Variants in RFPL1 observed in about 807,000 individuals in gnomAD.
RFPL1 encodes ret finger protein like 1.
RFPL1 carries 6 observed loss-of-function variants against 9.6 expected under a neutral mutation model. That is an observed-to-expected ratio of 0.62 (90% CI 0.34 to 1.23). The LOEUF (loss-of-function observed/expected upper bound fraction) is 1.23. Ranked by LOEUF, RFPL1 falls within the 50% of genes most tolerant of loss-of-function variation. The pLI is 0.03. For synonymous variants in RFPL1, 145 were observed against 149.4 expected, an observed-to-expected ratio of 0.97 and a Z score of 0.22; for missense variants, 352 against 398.4, an observed-to-expected ratio of 0.88 and a Z score of 0.99.
chr22:29,402,093 G>A, the RFPL1 span, among the ~76,000 whole-genome samples: 1 of 152,122 alleles, frequency 6.6e-6, no homozygotes, highest in Non-Finnish European at 1.5e-5. Flanking sequence ...CAAGCATGAC[G>A]TCTACCTTTA....
the RFPL1 span, among the ~76,000 whole-genome samples, chr22:29,418,329 T>C: frequency 6.6e-6 from 1 of 152,134 alleles, no homozygotes; most frequent in Non-Finnish European, 1.5e-5. Context: ...CACGACCTGC[T>C]TTAGCTATCG....
chr22:29,427,205 G>A, the RFPL1 span, among the ~76,000 whole-genome samples: 3 of 152,264 alleles, frequency 2.0e-5, no homozygotes, highest in African/African-American at 7.2e-5. Flanking sequence ...ACAGTGCCCA[G>A]GACTGATGAG....
At chr22:29,428,857 G>T in the RFPL1 span, among the ~76,000 whole-genome samples, 1 of 152,176 alleles carries the variant, frequency 6.6e-6, no homozygotes, top group African/African-American at 2.4e-5. Context: ...TGACAGGGAA[G>T]TTAATAGCAA....
At chr22:29,431,690 CT>C in the RFPL1 span, among the ~76,000 whole-genome samples, 4,048 of 144,696 alleles carry the variant, frequency 0.028, 144 homozygotes, top group African/African-American at 0.089. Context: ...TTTAAAAGTT[CT>C]TTTTTTTTTT....
the RFPL1 span, among the ~76,000 whole-genome samples, chr22:29,420,730 T>C: frequency 3.0e-5 from 4 of 131,972 alleles, no homozygotes; most frequent in African/African-American, 5.7e-5. Flanking sequence ...AACTTCCACA[T>C]CCCGGGTTCA....
chr22:29,423,917 A>C, the RFPL1 span, among the ~76,000 whole-genome samples: 1 of 152,218 alleles, frequency 6.6e-6, no homozygotes, highest in Non-Finnish European at 1.5e-5. Context: ...ATTGTAAGAC[A>C]ATAAGGGCCA....
At chr22:29,398,603 T>C in the RFPL1 span, among the ~76,000 whole-genome samples, 1 of 152,200 alleles carries the variant, frequency 6.6e-6, no homozygotes, top group African/African-American at 2.4e-5. Flanking sequence ...AGCAAGTCAC[T>C]TGCCCTTTCT....
the RFPL1 span, among the ~76,000 whole-genome samples, chr22:29,424,875 C>T: frequency 7.2e-6 from 1 of 139,300 alleles, no homozygotes; most frequent in African/African-American, 2.7e-5. Flanking sequence ...TACAGCCTTC[C>T]AATCCTATCT....
At chr22:29,395,978 GAA>G in the RFPL1 span, among the ~76,000 whole-genome samples, 1 of 151,600 alleles carries the variant, frequency 6.6e-6, no homozygotes, top group Non-Finnish European at 1.5e-5. Flanking sequence ...GTCGAAAAGA[GAA>G]GAGAAGAGAA....
the RFPL1 span, among the ~76,000 whole-genome samples, chr22:29,409,866 C>T: frequency 2.0e-5 from 3 of 152,048 alleles, no homozygotes; most frequent in Non-Finnish European, 4.4e-5. Flanking sequence ...CCAACTGAGG[C>T]CAGTTGGATG....
rs371216579 is a variant in RFPL1 at position 29,438,774 on chromosome 22, G to A, written c.-18G>A. 803 of 1,606,870 alleles carry A rather than the reference G, an allele frequency of 5.0e-4. 10 individuals carry two copies. The South Asian group carries it at 7.1e-3, about 14-fold the overall frequency. ...CTTGTTCTAGAAGTGACAAAGCTGG[G>A]ACACAATACCTTTATGCATGAAAAG... is the stretch of plus-strand genomic sequence containing the variant. On this transcript the variant is annotated 5_prime_UTR_variant, in exon 1 of 2. Coordinates refer to ENST00000354373, the Ensembl canonical transcript of RFPL1.
At chr22:29,412,382 G>T in the RFPL1 span, among the ~76,000 whole-genome samples, 2 of 152,170 alleles carry the variant, frequency 1.3e-5, no homozygotes, top group African/African-American at 4.8e-5. Context: ...CTTGGCCAGG[G>T]CAGTGGCAGC....
At chr22:29,394,738 T>G in the RFPL1 span, among the ~76,000 whole-genome samples, 3 of 152,192 alleles carry the variant, frequency 2.0e-5, no homozygotes, top group Non-Finnish European at 4.4e-5. Flanking sequence ...ATCAATTCAT[T>G]TAACTCTCAC....
chr22:29,410,415 A>G, the RFPL1 span, among the ~76,000 whole-genome samples: 12 of 83,732 alleles, frequency 1.4e-4, no homozygotes, highest in Non-Finnish European at 2.3e-4. Context: ...ATCTATATAT[A>G]TAGATATATA....
At chr22:29,434,754 TAA>T (rs2062800959), upstream of RFPL1, 1 of 153,528 alleles carries the variant, frequency 6.5e-6, no homozygotes, top group African/African-American at 2.4e-5. Context: ...ACTGTGCCTT[TAA>T]CCACCCTCTG....
At chr22:29,422,594 T>G in the RFPL1 span, among the ~76,000 whole-genome samples, 1 of 151,944 alleles carries the variant, frequency 6.6e-6, no homozygotes, top group Non-Finnish European at 1.5e-5. Flanking sequence ...AATAAATAAA[T>G]TAGCTGGGCA....
intron 1 of RFPL1, 33 bp downstream of exon 1, chr22:29,439,197 C>T (rs749953713): frequency 1.1e-5 from 18 of 1,590,274 alleles, no homozygotes; most frequent in African/African-American, 1.3e-5. Flanking sequence ...CCCCTTCCTA[C>T]GACCAGACCA....
At chr22:29,387,947 T>G in the RFPL1 span, among the ~76,000 whole-genome samples, 1 of 152,200 alleles carries the variant, frequency 6.6e-6, no homozygotes, top group Non-Finnish European at 1.5e-5. Context: ...TAACTTGTCT[T>G]AGAGGCTCCA....
the RFPL1 span, among the ~76,000 whole-genome samples, chr22:29,426,292 T>C: frequency 6.6e-6 from 1 of 151,490 alleles, no homozygotes; most frequent in Non-Finnish European, 1.5e-5. Flanking sequence ...CACTGCACTC[T>C]AGCCTGGGCG....
Sources: allele counts gnomAD v4.1 joint callset (sites outside exome capture counted in the v4.1 genomes callset), GRCh38; gene constraint gnomAD v4.1.1; transcripts MANE v1.5; gene names NCBI Gene and HGNC (gene_info 2026-07-23, HGNC 2026-07-21).